Variants in ELOVL1 observed in about 807,000 individuals in gnomAD.
ELOVL1 encodes the protein very long chain fatty acid elongase 1.
In ELOVL1, 10 loss-of-function variants were observed where a neutral mutation model predicts 37.8. The ratio of observed to expected loss-of-function variants is 0.26; its 90% CI spans 0.16 to 0.45. The LOEUF (loss-of-function observed/expected upper bound fraction) is 0.45, where lower values mean the gene tolerates loss of function less well. Among genes scored for constraint, ELOVL1 ranks in the 20% least tolerant of loss-of-function variants. The probability of loss-of-function intolerance (pLI) is 1.00; values close to 1 mark genes in which losing one functional copy is unlikely to be tolerated. For synonymous variants in ELOVL1, 133 were observed against 123.8 expected (o/e 1.07, Z -0.49); for missense variants, 256 against 352.7 (o/e 0.73, Z 2.20).
chr1:43,365,672 C>T, intron 1 of ELOVL1, 49 bp from the exon 2 acceptor site: 1 of 1,572,556 alleles, frequency 6.4e-7, no homozygotes, highest in South Asian at 1.1e-5. Context: ...CTGCACACCC[C>T]CATCCCACAG....
chr1:43,364,228 G>A lies in ELOVL1; in HGVS notation c.619-91C>T. ...GAAAGAGACAAACGTTGAGTAGGGA[G>A]AGATGGGGTCAAAGGTGAGACAGAC... is the stretch of plus-strand genomic sequence containing the variant. On this transcript the variant is annotated intron_variant, in intron 7 of 7. Transcript: ENST00000372458. The surrounding 1 kb of genome is among the most constrained non-coding windows in gnomAD (Gnocchi z 5.2). 6.2e-7 allele frequency: 1 copy of A among 1,610,108 alleles called. No individual in the cohort carries two copies. Among genetic ancestry groups the A allele is most frequent in the Non-Finnish European group, 8.5e-7 (1 of 1,177,368 alleles).
At chr1:43,366,783 T>G (rs1374237353) in intron 1 of ELOVL1, among the ~76,000 whole-genome samples, 5 of 151,724 alleles carry the variant, frequency 3.3e-5, no homozygotes, top group Non-Finnish European at 1.5e-5. Context: ...AATCTTCCCC[T>G]CCCTCAGGGA....
At position 43,364,505 on chromosome 1, in the gene ELOVL1, G is replaced by A. The variant is rs770751483; in HGVS notation, c.481+37C>T. On this transcript the variant is annotated intron_variant, in intron 6 of 7. Transcript: ENST00000372458. This position sits in a 1 kb window ranked among gnomAD's most constrained non-coding sequence, Gnocchi z 5.2. ...CAGGGTCAGCAGAGTCCAGCCTCTG[G>A]TGCCCACCCTTTCCCATAGTGGCCT... 1.7e-5 allele frequency: 28 copies of A among 1,613,888 alleles called. No homozygotes were observed. Among genetic ancestry groups the A allele is most frequent in the Admixed American group, 8.3e-5 (5 of 59,986 alleles).
In ELOVL1 at chr1:43,367,980, G is replaced by C. The variant is rs1311188351; in HGVS notation, c.-80C>G. 1 of 152,330 alleles carries C rather than the reference G, an allele frequency of 6.6e-6. No homozygotes were observed. Among genetic ancestry groups the C allele is most frequent in the Non-Finnish European group, 1.5e-5 (1 of 68,184 alleles). The allele number at this position is 152,330 out of a possible 1,614,324, so 9.4% of individuals were successfully genotyped here. On this transcript the variant is annotated 5_prime_UTR_variant, in exon 1 of 8. Coordinates refer to ENST00000372458, the MANE Select transcript of ELOVL1 (RefSeq NM_022821.4). Reference sequence around the variant, plus strand: ...AGCAGGGCCAGAGAGAAGTCCCCGGGGCCAGCCTGCCTGCCTGCCACTTCC... The same window carrying C: ...AGCAGGGCCAGAGAGAAGTCCCCGGCGCCAGCCTGCCTGCCTGCCACTTCC...
intron 2 of ELOVL1, 48 bp from the exon 3 acceptor site, chr1:43,365,424 G>T: frequency 6.2e-7 from 1 of 1,609,510 alleles, no homozygotes. Context: ...GGGTTCGAAG[G>T]GTCTTCATTT....
intron 1 of ELOVL1, chr1:43,367,621 G>A (rs1647279266): frequency 6.6e-6 from 1 of 152,568 alleles, no homozygotes; most frequent in East Asian, 1.9e-4. Flanking sequence ...AAAGGTGCCT[G>A]GCAAAGTTAG....
rs1402002720 is a variant in ELOVL1, at chr1:43,363,502, T to C, written c.*414A>G. 3 of 367,904 alleles carry C rather than the reference T, an allele frequency of 8.2e-6. No homozygotes were observed. Among genetic ancestry groups the C allele is most frequent in the Non-Finnish European group, 1.5e-5 (3 of 200,732 alleles). The allele number at this position is 367,904 out of a possible 1,614,324, so 22.8% of individuals were successfully genotyped here. A position where few individuals can be genotyped will look rare whatever the true frequency, so the allele number is the denominator to read the frequency against. On this transcript the variant is annotated 3_prime_UTR_variant, in exon 8 of 8. Coordinates refer to ENST00000372458, the MANE Select transcript of ELOVL1 (RefSeq NM_022821.4). Reference sequence around the variant, plus strand: ...CCACCCTGACCTTTGGCCCAGAAGCTACTGCTTCAGTGTGTGGGGTGGAGG... The same window carrying C: ...CCACCCTGACCTTTGGCCCAGAAGCCACTGCTTCAGTGTGTGGGGTGGAGG...
At position 43,364,900 on chromosome 1, in the gene ELOVL1, T is replaced by G; in HGVS notation, c.318+28A>C. ...AAACTGGTCATATCTACCAGGTTGC[T>G]TATGACCTAGCCCCAGCCCCTACTT... On this transcript the variant is annotated intron_variant, in intron 4 of 7. Transcript: ENST00000372458. The surrounding 1 kb of genome is among the most constrained non-coding windows in gnomAD (Gnocchi z 5.2). The G allele has an allele frequency of 6.2e-7, 1 of 1,614,028 alleles. No homozygotes were observed. The highest frequency in any genetic ancestry group is 8.5e-7 in the Non-Finnish European group (1 of 1,179,922).
Position 43,363,843 on chromosome 1 carries a change from A to C in ELOVL1, c.*73T>G. Reference sequence around the variant, plus strand: ...GCCTTGGTCACAGGTGTAGGTGGAGAGGGCACTGACGGACACTGCCCTAAG... The same window carrying C: ...GCCTTGGTCACAGGTGTAGGTGGAGCGGGCACTGACGGACACTGCCCTAAG... On this transcript the variant is annotated 3_prime_UTR_variant, in exon 8 of 8. Coordinates refer to ENST00000372458, the MANE Select transcript of ELOVL1 (RefSeq NM_022821.4). 3 of 1,378,576 alleles carry C rather than the reference A, an allele frequency of 2.2e-6. No individual in the cohort carries two copies. The Admixed American group carries it at 5.1e-5, about 23-fold the overall frequency. The allele number at this position is 1,378,576 out of a possible 1,614,324, so 85.4% of individuals were successfully genotyped here.
In ELOVL1 at chr1:43,364,586, G is replaced by A; in HGVS notation, c.437C>T (p.Ser146Phe). ...QVTFLHVFHHSVLPWSWWWGV... is the reference protein window; with the variant it reads ...QVTFLHVFHHFVLPWSWWWGV... Reference sequence around the variant, plus strand: ...CCACCACCAGCTCCAGGGAAGCACAGAGTGATGGAAGACATGTAGGAAGGT... The same window carrying A: ...CCACCACCAGCTCCAGGGAAGCACAAAGTGATGGAAGACATGTAGGAAGGT... Residue 146 changes from serine (S) to phenylalanine (F), a missense_variant, in exon 6 of 8, where the codon TCT (serine) becomes TTT (phenylalanine). Ser to Phe is a radical substitution (Grantham distance 155). Transcript: ENST00000372458. This position sits in a 1 kb window ranked among gnomAD's most constrained non-coding sequence, Gnocchi z 5.2. 1 of 1,614,172 alleles carries A rather than the reference G, an allele frequency of 6.2e-7. No homozygotes were observed. The highest frequency in any genetic ancestry group is 8.5e-7 in the Non-Finnish European group (1 of 1,180,026).
At position 43,364,423 on chromosome 1, in the gene ELOVL1, G is replaced by C. The variant is rs200219758; in HGVS notation, c.519C>G (p.Ser173=). 2 of 1,614,022 alleles carry C rather than the reference G, an allele frequency of 1.2e-6. No individual in the cohort carries two copies. Among genetic ancestry groups the C allele is most frequent in the African/African-American group, 2.7e-5 (2 of 74,918 alleles). Reference sequence around the variant, plus strand: ...AGTACAGGTACATTATGACATGCACGGAAGAGTTTATCATGGCATGGAAAG... The same window carrying C: ...AGTACAGGTACATTATGACATGCACCGAAGAGTTTATCATGGCATGGAAAG... ...MGSFHAMINS[S]VHVIMYLYYG... is the part of the protein sequence containing the mutation. The change falls in exon 7 of 8, where the codon TCC becomes TCG. Residue 173 remains serine (S), a synonymous_variant. Coordinates refer to ENST00000372458, the MANE Select transcript of ELOVL1 (RefSeq NM_022821.4). This position sits in a 1 kb window ranked among gnomAD's most constrained non-coding sequence, Gnocchi z 5.2.
chr1:43,365,568 G>T lies in ELOVL1; in HGVS notation c.42C>A (p.His14Gln). 1.9e-6 allele frequency: 3 copies of T among 1,614,098 alleles called. No individual in the cohort carries two copies. The highest frequency in any genetic ancestry group is 2.5e-6 in the Non-Finnish European group (3 of 1,180,000). Residue 14 changes from histidine (H) to glutamine (Q), a missense_variant, in exon 2 of 8, where the codon CAC (histidine) becomes CAA (glutamine). His to Gln is a conservative substitution (Grantham distance 24, BLOSUM62 0). This residue lies in a region of ELOVL1 where 158 missense variants were observed against 189.4 expected (regional missense o/e 0.83). Transcript: ENST00000372458. ...GGCTGGTGGATAGCGTCTTACCTGC[G>T]TGCTTCATCACCTCTTGGTACAAGT... ...VVNLYQEVMK[H>Q]ADPRIQGYPL...
At position 43,365,023 on chromosome 1, in the gene ELOVL1, G is replaced by T; in HGVS notation, c.238-15C>A. ...GACATCAGGAACTGGGAAGGGATGT[G>T]GATTAGACCACCAGAGTTCTCCCTT... On this transcript the variant is annotated splice_polypyrimidine_tract_variant and intron_variant, in intron 3 of 7. Coordinates refer to ENST00000372458, the MANE Select transcript of ELOVL1 (RefSeq NM_022821.4). 1.2e-6 allele frequency: 2 copies of T among 1,610,824 alleles called. No homozygotes were observed. The highest frequency in any genetic ancestry group is 1.1e-5 in the South Asian group (1 of 90,522).
chr1:43,364,594 G>C lies in ELOVL1; in HGVS notation c.429C>G (p.Phe143Leu). The change falls in exon 6 of 8, where the codon TTC becomes TTG. Residue 143 changes from phenylalanine to leucine, a missense_variant. This residue lies in a region of ELOVL1 where 158 missense variants were observed against 189.4 expected (regional missense o/e 0.83). Coordinates refer to ENST00000372458, the MANE Select transcript of ELOVL1 (RefSeq NM_022821.4). The surrounding 1 kb of genome is among the most constrained non-coding windows in gnomAD (Gnocchi z 5.2). ...KDGQVTFLHVFHHSVLPWSWW... is the reference protein window; with the variant it reads ...KDGQVTFLHVLHHSVLPWSWW... The stretch of plus-strand genomic sequence containing the variant: ...AGCTCCAGGGAAGCACAGAGTGATG[G>C]AAGACATGTAGGAAGGTCACCTGCC... 1 of 1,614,126 alleles carries C rather than the reference G, an allele frequency of 6.2e-7. No homozygotes were observed. The highest frequency in any genetic ancestry group is 8.5e-7 in the Non-Finnish European group (1 of 1,180,018).
intron 1 of ELOVL1, among the ~76,000 whole-genome samples, chr1:43,366,016 C>T (rs1273742640): frequency 6.6e-6 from 1 of 152,048 alleles, no homozygotes; most frequent in Non-Finnish European, 1.5e-5. Flanking sequence ...AGTCCCTCAC[C>T]TCCCCAGCTC....
Position 43,364,963 on chromosome 1 carries a change from G to A in ELOVL1, c.283C>T (p.Pro95Ser). 1 of 1,613,912 alleles carries A rather than the reference G, an allele frequency of 6.2e-7. No homozygotes were observed. The highest frequency in any genetic ancestry group is 2.2e-5 in the East Asian group (1 of 44,858). Reference protein sequence around the residue: ...WLSTYTWRCDPVDYSNSPEAL... With the variant: ...WLSTYTWRCDSVDYSNSPEAL... Reference sequence around the variant, plus strand: ...TCAGGGCTGTTGGAATAGTCCACAGGGTCACAGCGCCAGGTATAGGTGCTC... The same window carrying A: ...TCAGGGCTGTTGGAATAGTCCACAGAGTCACAGCGCCAGGTATAGGTGCTC... Residue 95 changes from proline to serine, a missense_variant, in exon 4 of 8, where the codon CCT becomes TCT. Physicochemically the swap from Pro to Ser is moderately conservative, Grantham distance 74 (BLOSUM62 -1). Around this residue, in one of 3 missense-constraint regions of ELOVL1, gnomAD observed 158 missense variants for 189.4 expected, o/e 0.83. Transcript: ENST00000372458. The surrounding 1 kb of genome is among the most constrained non-coding windows in gnomAD (Gnocchi z 5.2).
intron 1 of ELOVL1, 66 bp from the exon 2 acceptor site, chr1:43,365,689 GAC>G (rs1208312658): frequency 1.3e-6 from 2 of 1,516,698 alleles, no homozygotes; most frequent in Non-Finnish European, 9.2e-7. Context: ...ACAGAGATAA[GAC>G]ACAGAACCAG....
chr1:43,367,797 C>G (rs1373381475), intron 1 of ELOVL1, 118 bp downstream of exon 1: 2 of 152,324 alleles, frequency 1.3e-5, no homozygotes, highest in African/African-American at 4.8e-5. Context: ...CCCACTGGCC[C>G]CGGGAACACC....
In ELOVL1 at chr1:43,363,913, T is replaced by C. The variant is rs747340436; in HGVS notation, c.*3A>G. 2 of 1,612,722 alleles carry C rather than the reference T, an allele frequency of 1.2e-6. No individual in the cohort carries two copies. Among genetic ancestry groups the C allele is most frequent in the African/African-American group, 1.3e-5 (1 of 75,010 alleles). On this transcript the variant is annotated 3_prime_UTR_variant, in exon 8 of 8. Coordinates refer to ENST00000372458, the MANE Select transcript of ELOVL1 (RefSeq NM_022821.4). ...AGGTGGGCGCCTATCTAGGCCATGC[T>C]TCTCAGTTGGCCTTGACCTTGGCAA...
Sources: allele counts gnomAD v4.1 joint callset (sites outside exome capture counted in the v4.1 genomes callset), GRCh38; gene constraint gnomAD v4.1.1; regional missense constraint gnomAD v4.1.1; non-coding constraint Gnocchi (gnomAD v3.1); transcripts MANE v1.5; gene names NCBI Gene and HGNC (gene_info 2026-07-23, HGNC 2026-07-21).